Variants in CNBD1 observed in about 807,000 individuals in gnomAD.
The protein encoded by CNBD1 is cyclic nucleotide binding domain containing 1.
In CNBD1, 71 loss-of-function variants were observed where a neutral mutation model predicts 54.4. That is an observed-to-expected ratio of 1.30 (90% CI 1.08 to 1.59). The LOEUF is 1.59. CNBD1 is among the 40% of genes most tolerant of loss of function. The probability of loss-of-function intolerance (pLI) is 0.00; values close to 1 mark genes in which losing one functional copy is unlikely to be tolerated. For synonymous variants in CNBD1, 182 were observed against 170.7 expected, an observed-to-expected ratio of 1.07 and a Z score of -0.51; for missense variants, 659 against 518.0, an observed-to-expected ratio of 1.27 and a Z score of -2.64.
intron 4 of CNBD1, among the ~76,000 whole-genome samples, chr8:87,137,841 T>C (rs558958444): frequency 2.6e-5 from 4 of 152,168 alleles, no homozygotes; most frequent in African/African-American, 9.6e-5. Flanking sequence ...TATGAAATAA[T>C]AAGAGGGAAA....
chr8:87,311,253 G>C (rs1177915424), intron 8 of CNBD1, among the ~76,000 whole-genome samples: 1 of 151,550 alleles, frequency 6.6e-6, no homozygotes, highest in African/African-American at 2.4e-5. Flanking sequence ...AATTCAACAA[G>C]CAAAAAACAA....
rs1266913015 is a variant in CNBD1, at chr8:87,264,243, T to C, written c.772-20435T>C. On this transcript the variant is annotated intron_variant, in intron 6 of 10. Transcript: ENST00000518476. ...ATTCCCACCTATGAGTGAGAACATG[T>C]GGTGTTTGGTTTTTTTGTCCTTGCG... 8.6e-5 allele frequency among the ~76,000 whole-genome samples: 13 copies of C among 151,598 alleles called. No homozygotes were observed. In the East Asian group the frequency reaches 1.2e-3, roughly 14 times the overall value.
chr8:87,228,976 G>T (rs552786477), intron 5 of CNBD1, among the ~76,000 whole-genome samples: 2 of 152,224 alleles, frequency 1.3e-5, no homozygotes, highest in East Asian at 1.9e-4. Flanking sequence ...GAAAAGCGCG[G>T]TATTCGGGTG....
chr8:87,421,430 C>A (rs1320200689), intron 2 of CNBD1, among the ~76,000 whole-genome samples: 1 of 124,732 alleles, frequency 8.0e-6, no homozygotes, highest in Non-Finnish European at 1.7e-5. Flanking sequence ...CCCCCCTCCC[C>A]CCACCCCACA....
intron 3 of CNBD1, among the ~76,000 whole-genome samples, chr8:86,928,508 T>G (rs1008380086): frequency 1.3e-5 from 2 of 152,182 alleles, no homozygotes; most frequent in Admixed American, 6.5e-5. Flanking sequence ...GCCAGACCAT[T>G]GTCACTTTGT....
intron 4 of CNBD1, among the ~76,000 whole-genome samples, chr8:86,964,841 GAAT>G (rs1395501338): frequency 4.6e-5 from 7 of 152,284 alleles, no homozygotes; most frequent in African/African-American, 1.7e-4. Flanking sequence ...TAGGAAGGCT[GAAT>G]CAATCCCACA....
At chr8:87,305,855 C>A (rs1201021214) in intron 8 of CNBD1, among the ~76,000 whole-genome samples, 1 of 152,148 alleles carries the variant, frequency 6.6e-6, no homozygotes, top group Non-Finnish European at 1.5e-5. Context: ...ACAAGGATTT[C>A]ATGACCAAGA....
chr8:86,900,158 GA>G (rs1360426525), intron 2 of CNBD1, among the ~76,000 whole-genome samples: 1 of 152,108 alleles, frequency 6.6e-6, no homozygotes, highest in African/African-American at 2.4e-5. Flanking sequence ...AAACCTTGAA[GA>G]TTTTTTTTCT....
intron 7 of CNBD1, 73 bp from the exon 8 acceptor site, chr8:87,286,466 A>G (rs1808699698): frequency 1.1e-6 from 1 of 880,844 alleles, no homozygotes; most frequent in East Asian, 2.7e-5. Flanking sequence ...TTCTCTCACC[A>G]TTTATCTATT....
At chr8:87,141,461 A>G (rs1812368315) in intron 4 of CNBD1, among the ~76,000 whole-genome samples, 1 of 152,126 alleles carries the variant, frequency 6.6e-6, no homozygotes, top group Non-Finnish European at 1.5e-5. Flanking sequence ...ATTCTAAATT[A>G]TCAGCAAATC....
intron 8 of CNBD1, among the ~76,000 whole-genome samples, chr8:87,287,415 A>C (rs56282645): frequency 0.28 from 42,819 of 151,806 alleles, 6,487 homozygotes; most frequent in African/African-American, 0.39. Context: ...GGCGACCTCG[A>C]CTCTCTTTCC....
chr8:86,978,495 T>TAATAATGC (rs1452788512), intron 4 of CNBD1, among the ~76,000 whole-genome samples: 2 of 149,674 alleles, frequency 1.3e-5, no homozygotes, highest in African/African-American at 4.9e-5. Flanking sequence ...TTGATACTCC[T>TAATAATGC]AATAATGCTT....
At chr8:87,154,913 G>A (rs1812682801) in intron 4 of CNBD1, among the ~76,000 whole-genome samples, 2 of 152,008 alleles carry the variant, frequency 1.3e-5, no homozygotes, top group East Asian at 1.9e-4. Flanking sequence ...ACGCTAATGG[G>A]GTTGTGGGGA....
In CNBD1 at chr8:87,017,418, C is replaced by T. The variant is rs142318335; in HGVS notation, c.431+77664C>T. On this transcript the variant is annotated intron_variant, in intron 4 of 10. Transcript: ENST00000518476. ...AATGGCAAAAACCGTAAGTATTTTT[C>T]GGTAACAATGACTGAGCTAGAGAAT... Among the ~76,000 whole-genome samples, 16 of 152,204 alleles carry T rather than the reference C, an allele frequency of 1.1e-4. 1 individual carries two copies. The highest frequency in any genetic ancestry group is 4.1e-4 in the South Asian group (2 of 4,824).
At chr8:87,035,784 G>A (rs773611002) in intron 4 of CNBD1, among the ~76,000 whole-genome samples, 17 of 152,168 alleles carry the variant, frequency 1.1e-4, no homozygotes, top group Non-Finnish European at 1.5e-4. Flanking sequence ...ATGGCAGCCC[G>A]GCTCCATGGA....
chr8:87,246,494 G>A (rs916024407), intron 6 of CNBD1, among the ~76,000 whole-genome samples: 1 of 152,094 alleles, frequency 6.6e-6, no homozygotes. Context: ...TCAGTTAAGA[G>A]AGTTTTGGTT....
At position 87,038,497 on chromosome 8, in the gene CNBD1, A is replaced by G. The variant is rs564834449; in HGVS notation, c.431+98743A>G. Among the ~76,000 whole-genome samples, 9 of 152,318 alleles carry G rather than the reference A, an allele frequency of 5.9e-5. No individual in the cohort carries two copies. The South Asian group carries it at 1.9e-3, about 32-fold the overall frequency. Reference sequence around the variant, plus strand: ...ATAACTGGTGGGTCTGGGTGAAGCCATCTCTCCAGACATGCAAAAACCTGC... The same window carrying G: ...ATAACTGGTGGGTCTGGGTGAAGCCGTCTCTCCAGACATGCAAAAACCTGC... On this transcript the variant is annotated intron_variant, in intron 4 of 10. Coordinates refer to ENST00000518476, the MANE Select transcript of CNBD1 (RefSeq NM_173538.3).
intron 4 of CNBD1, among the ~76,000 whole-genome samples, chr8:87,204,652 C>T (rs1813931657): frequency 6.6e-6 from 1 of 152,084 alleles, no homozygotes; most frequent in African/African-American, 2.4e-5. Context: ...TATGAAGTAG[C>T]AAGTTTTCTA....
intron 8 of CNBD1, among the ~76,000 whole-genome samples, chr8:87,348,265 T>C (rs1810214183): frequency 6.6e-6 from 1 of 152,168 alleles, no homozygotes; most frequent in Non-Finnish European, 1.5e-5. Flanking sequence ...GCTATCTATA[T>C]TTATCTGCAA....
Sources: gnomAD v4.1 joint callset for allele counts (sites outside exome capture counted in the v4.1 genomes callset) on GRCh38, gnomAD v4.1.1 for gene constraint, MANE v1.5 for transcripts, NCBI Gene and HGNC (gene_info 2026-07-23, HGNC 2026-07-21) for gene names.